ATP8A2: variants seen among roughly 807,000 people sequenced by gnomAD.
The protein encoded by ATP8A2 is phospholipid-transporting ATPase IB.
Under a neutral mutation model 165.6 loss-of-function variants are expected in ATP8A2, and 100 were observed. That is an observed-to-expected ratio of 0.60 (90% CI 0.51 to 0.71). ATP8A2 has a LOEUF of 0.71. Ranked by LOEUF, ATP8A2 falls within the 30% of genes least tolerant of loss-of-function variation. ATP8A2 has a pLI of 0.00. For missense variants in ATP8A2, 1,227 were observed against 1,479.5 expected (o/e 0.83, Z 2.80); for synonymous variants, 543 against 548.8 (o/e 0.99, Z 0.15).
At chr13:25,629,158 G>A (rs1179142886) in intron 24 of ATP8A2, among the ~76,000 whole-genome samples, 4 of 152,008 alleles carry the variant, frequency 2.6e-5, no homozygotes, top group African/African-American at 7.2e-5. Flanking sequence ...CCTGCTCCTG[G>A]GCACATAGAA....
At chr13:25,795,897 C>T (rs957282626) in intron 27 of ATP8A2, among the ~76,000 whole-genome samples, 7 of 151,306 alleles carry the variant, frequency 4.6e-5, no homozygotes, top group South Asian at 2.1e-4. Flanking sequence ...TTACATTTAT[C>T]TGTGAGATGG....
chr13:26,006,261 T>A (rs539290984), intron 35 of ATP8A2, among the ~76,000 whole-genome samples: 7 of 152,178 alleles, frequency 4.6e-5, no homozygotes, highest in African/African-American at 1.7e-4. Context: ...CCGAGTATTT[T>A]ATTCCTTTTG....
At chr13:25,386,287 C>T (rs1231239288) in intron 1 of ATP8A2, among the ~76,000 whole-genome samples, 1 of 152,088 alleles carries the variant, frequency 6.6e-6, no homozygotes, top group African/African-American at 2.4e-5. Context: ...TCAGTTGTTC[C>T]CGAGAAACAA....
At chr13:25,553,990 C>A (rs7331675) in intron 12 of ATP8A2, 70 bp downstream of exon 12, 805,771 of 1,480,236 alleles carry the variant, frequency 0.54, 227,736 homozygotes, top group Non-Finnish European at 0.59. Context: ...TTTAATTGAG[C>A]ACTCAAAAAA....
At chr13:25,808,218 T>A (rs1950784613) in intron 27 of ATP8A2, among the ~76,000 whole-genome samples, 3 of 151,466 alleles carry the variant, frequency 2.0e-5, no homozygotes, top group Admixed American at 2.0e-4. Context: ...AAGCTTTGAC[T>A]TCTTGGGCTC....
chr13:25,661,046 C>T (rs78728211), intron 24 of ATP8A2, among the ~76,000 whole-genome samples: 1 of 152,074 alleles, frequency 6.6e-6, no homozygotes, highest in African/African-American at 2.4e-5. Flanking sequence ...GTAATGATGG[C>T]CCATTTGTGT....
intron 7 of ATP8A2, among the ~76,000 whole-genome samples, chr13:25,539,136 A>C (rs1464278171): frequency 2.7e-5 from 4 of 150,248 alleles, no homozygotes; most frequent in African/African-American, 4.9e-5. Context: ...TTACTCTGTC[A>C]CCCAGGCTGG....
chr13:25,373,134 G>T (rs920286098), intron 1 of ATP8A2, among the ~76,000 whole-genome samples: 6 of 152,212 alleles, frequency 3.9e-5, no homozygotes, highest in African/African-American at 1.4e-4. Flanking sequence ...CAGACGTAAA[G>T]AGGAGCCCCA....
At chr13:25,690,649 C>T (rs1303652930) in intron 24 of ATP8A2, among the ~76,000 whole-genome samples, 1 of 152,150 alleles carries the variant, frequency 6.6e-6, no homozygotes, top group African/African-American at 2.4e-5. Flanking sequence ...CACTGGAAGG[C>T]TAAAATTAAG....
At chr13:25,576,956 C>A in intron 19 of ATP8A2, 113 bp from the exon 20 acceptor site, 2 of 769,276 alleles carry the variant, frequency 2.6e-6, no homozygotes, top group Non-Finnish European at 4.5e-6. Context: ...GAAAGATAGA[C>A]CTTGTTCATT....
At chr13:25,705,886 TA>T (rs1378714914) in intron 25 of ATP8A2, among the ~76,000 whole-genome samples, 4 of 152,242 alleles carry the variant, frequency 2.6e-5, no homozygotes, top group African/African-American at 9.6e-5. Context: ...ATTTGTTTTT[TA>T]AAAGCATAAT....
rs2296242 is a variant in ATP8A2, at chr13:25,961,596, G to A, written c.3205G>A (p.Ala1069Thr). The A allele has an allele frequency of 2.6e-4, 422 of 1,613,836 alleles. 4 individuals are homozygous for A. In the East Asian group the frequency reaches 9.0e-3, roughly 34 times the overall value. ...GCAGGCAACTATGGTCCTGAGCTCCGCACACTTCTGGTTGGGATTATTTCT... is the reference window on the plus strand; with the variant it reads ...GCAGGCAACTATGGTCCTGAGCTCCACACACTTCTGGTTGGGATTATTTCT... ...RGQATMVLSSAHFWLGLFLVP... is the reference protein window; with the variant it reads ...RGQATMVLSSTHFWLGLFLVP... Residue 1069 changes from alanine to threonine, a missense_variant, in exon 34 of 37, where the codon GCA (alanine) becomes ACA (threonine). Transcript: ENST00000381655.
chr13:25,859,480 T>G (rs925640530), intron 30 of ATP8A2, among the ~76,000 whole-genome samples: 2 of 152,096 alleles, frequency 1.3e-5, no homozygotes, highest in Non-Finnish European at 2.9e-5. Context: ...CAGACTTCTC[T>G]GTGCAGGTGT....
chr13:25,820,869 G>A (rs1427351437), intron 27 of ATP8A2, among the ~76,000 whole-genome samples: 2 of 152,006 alleles, frequency 1.3e-5, no homozygotes, highest in African/African-American at 4.8e-5. Context: ...GCGTTTCAAT[G>A]TAAGGGAAAA....
chr13:25,546,435 T>C (rs956657453), intron 10 of ATP8A2, among the ~76,000 whole-genome samples: 1 of 151,976 alleles, frequency 6.6e-6, no homozygotes, highest in Admixed American at 6.5e-5. Flanking sequence ...GCCATCCTGT[T>C]TGTGAAATAA....
At chr13:25,574,681 T>C (rs2039565115) in intron 18 of ATP8A2, 127 bp from the exon 19 acceptor site, 1 of 701,118 alleles carries the variant, frequency 1.4e-6, no homozygotes, top group Non-Finnish European at 2.6e-6. Flanking sequence ...ACAGTACATG[T>C]TGCAAAGGGC....
chr13:25,872,703 A>G (rs1165703804), intron 33 of ATP8A2, among the ~76,000 whole-genome samples: 2 of 152,216 alleles, frequency 1.3e-5, no homozygotes, highest in Non-Finnish European at 2.9e-5. Context: ...CTTAGAGTCC[A>G]ATAGTCCTGA....
intron 1 of ATP8A2, among the ~76,000 whole-genome samples, chr13:25,451,021 G>A (rs910383779): frequency 6.6e-6 from 1 of 152,082 alleles, no homozygotes; most frequent in Non-Finnish European, 1.5e-5. Context: ...TTTCCACATT[G>A]CTTCTTCAGA....
intron 27 of ATP8A2, among the ~76,000 whole-genome samples, chr13:25,812,645 T>C (rs1241531297): frequency 2.0e-5 from 3 of 151,144 alleles, no homozygotes. Context: ...AAGATTTCCA[T>C]TTACCATTTC....
Sources: allele counts gnomAD v4.1 joint callset (sites outside exome capture counted in the v4.1 genomes callset), GRCh38; gene constraint gnomAD v4.1.1; transcripts MANE v1.5; gene names NCBI Gene and HGNC (gene_info 2026-07-23, HGNC 2026-07-21).